Variants in CLEC16A observed in about 807,000 individuals in gnomAD.
CLEC16A encodes protein CLEC16A.
CLEC16A carries 51 observed loss-of-function variants against 109.5 expected under a neutral mutation model. The observed-to-expected ratio is 0.47, with a 90% CI of 0.37 to 0.59. The LOEUF is 0.59. Among genes scored for constraint, CLEC16A ranks in the 20% least tolerant of loss-of-function variants. The pLI is 0.00. For synonymous variants in CLEC16A, 673 were observed against 564.2 expected (o/e 1.19, Z -2.73); for missense variants, 1,339 against 1,394.0 (o/e 0.96, Z 0.63).
intron 11 of CLEC16A, among the ~76,000 whole-genome samples, chr16:11,013,254 A>G (rs1004604266): frequency 3.9e-5 from 6 of 152,186 alleles, no homozygotes; most frequent in African/African-American, 1.2e-4. Flanking sequence ...GATCTGCTGT[A>G]TTGTGTTTAT....
intron 19 of CLEC16A, among the ~76,000 whole-genome samples, chr16:11,062,408 C>T (rs2048531401): frequency 6.6e-6 from 1 of 152,176 alleles, no homozygotes; most frequent in African/African-American, 2.4e-5. Flanking sequence ...TTTGTATTCC[C>T]TTGAACAAAT....
intron 1 of CLEC16A, among the ~76,000 whole-genome samples, chr16:10,946,846 G>C (rs1169441201): frequency 1.3e-5 from 2 of 152,218 alleles, no homozygotes; most frequent in Admixed American, 1.3e-4. Context: ...CTAAGGTTCA[G>C]GGGGCTTCAG....
chr16:11,047,465 G>T, intron 17 of CLEC16A, 123 bp downstream of exon 17: 1 of 514,150 alleles, frequency 1.9e-6, no homozygotes. Flanking sequence ...ACAGATTGAT[G>T]GGGAAGCAGA....
chr16:11,003,779 C>T lies in CLEC16A; in HGVS notation c.1303+474C>T, dbSNP rs1032609261. On this transcript the variant is annotated intron_variant, in intron 11 of 23. Transcript: ENST00000409790. Reference sequence around the variant, plus strand: ...TACTGATATAATTATTCCCAATAACCTGGGGTTATGATTTGCATCCTGTGC... The same window carrying T: ...TACTGATATAATTATTCCCAATAACTTGGGGTTATGATTTGCATCCTGTGC... Among the ~76,000 whole-genome samples the T allele has an allele frequency of 5.3e-5, 8 of 151,798 alleles. No homozygotes were observed. The East Asian group carries it at 1.4e-3, about 26-fold the overall frequency.
intron 13 of CLEC16A, among the ~76,000 whole-genome samples, chr16:11,026,259 A>G (rs1207361584): frequency 6.6e-6 from 1 of 152,218 alleles, no homozygotes; most frequent in Non-Finnish European, 1.5e-5. Flanking sequence ...TTCCATAAAT[A>G]TTCCTTAAAC....
intron 1 of CLEC16A, among the ~76,000 whole-genome samples, chr16:10,956,557 T>C (rs1312791707): frequency 6.6e-6 from 1 of 152,198 alleles, no homozygotes; most frequent in Non-Finnish European, 1.5e-5. Flanking sequence ...TGAAGTTACC[T>C]GGGGCTGTGG....
At chr16:11,135,364 G>A (rs1214488458) in intron 22 of CLEC16A, among the ~76,000 whole-genome samples, 1 of 152,200 alleles carries the variant, frequency 6.6e-6, no homozygotes, top group African/African-American at 2.4e-5. Flanking sequence ...ATCCGGGCCT[G>A]CAAGGTTTCC....
intron 19 of CLEC16A, among the ~76,000 whole-genome samples, chr16:11,108,729 C>T (rs1477643861): frequency 6.6e-6 from 1 of 152,178 alleles, no homozygotes; most frequent in African/African-American, 2.4e-5. Flanking sequence ...CTCATAGGAT[C>T]TGGGACCATG....
intron 10 of CLEC16A, among the ~76,000 whole-genome samples, chr16:10,990,888 C>G (rs2043966550): frequency 6.6e-6 from 1 of 152,214 alleles, no homozygotes; most frequent in African/African-American, 2.4e-5. Flanking sequence ...TGTTAGTTTT[C>G]ATGAGTGGGC....
intron 11 of CLEC16A, among the ~76,000 whole-genome samples, chr16:11,005,978 T>G (rs548640175): frequency 1.3e-5 from 2 of 150,168 alleles, no homozygotes; most frequent in Admixed American, 6.7e-5. Flanking sequence ...TTTTTTTTTT[T>G]AAGTGAAGAT....
intron 1 of CLEC16A, among the ~76,000 whole-genome samples, chr16:10,952,485 T>C (rs2041785341): frequency 6.6e-6 from 1 of 152,192 alleles, no homozygotes; most frequent in Non-Finnish European, 1.5e-5. Context: ...AGAGCAAGAC[T>C]CCATCTCAGA....
At chr16:11,014,603 C>G (rs1042196980) in intron 11 of CLEC16A, among the ~76,000 whole-genome samples, 1 of 152,166 alleles carries the variant, frequency 6.6e-6, no homozygotes, top group Admixed American at 6.5e-5. Flanking sequence ...ATCATAAAAG[C>G]AAGCAAATTA....
intron 19 of CLEC16A, among the ~76,000 whole-genome samples, chr16:11,083,701 A>G (rs1259068001): frequency 6.6e-6 from 1 of 152,242 alleles, no homozygotes; most frequent in Non-Finnish European, 1.5e-5. Context: ...GGAGCCCAGA[A>G]TAAACAGGTG....
chr16:10,948,082 A>T (rs1289999657), intron 1 of CLEC16A, among the ~76,000 whole-genome samples: 6 of 151,994 alleles, frequency 3.9e-5, no homozygotes, highest in Non-Finnish European at 7.4e-5. Flanking sequence ...TTTAGTAGAG[A>T]CGGGGTTTCA....
At chr16:11,156,649 G>A (rs866750757) in intron 22 of CLEC16A, 6 of 1,304,186 alleles carry the variant, frequency 4.6e-6, no homozygotes, top group African/African-American at 1.5e-5. Flanking sequence ...CTGACAGACT[G>A]TTGTGGAGGT....
intron 19 of CLEC16A, among the ~76,000 whole-genome samples, chr16:11,087,572 T>G (rs1314413349): frequency 6.6e-6 from 1 of 152,130 alleles, no homozygotes; most frequent in African/African-American, 2.4e-5. Flanking sequence ...TGTGTTTGAG[T>G]AAAAGTAGTA....
At chr16:10,966,671 C>G (rs2042524062) in intron 3 of CLEC16A, among the ~76,000 whole-genome samples, 1 of 152,196 alleles carries the variant, frequency 6.6e-6, no homozygotes, top group African/African-American at 2.4e-5. Flanking sequence ...CAAACACATC[C>G]TTCTTCACAT....
In CLEC16A at chr16:11,180,831, C is replaced by G. The variant is rs1444228668; in HGVS notation, c.*2141C>G. 1.3e-5 allele frequency: 2 copies of G among 152,430 alleles called. No homozygotes were observed. Among genetic ancestry groups the G allele is most frequent in the African/African-American group, 2.4e-5 (1 of 41,450 alleles). The allele number at this position is 152,430 out of a possible 1,614,324, so 9.4% of individuals were successfully genotyped here. A position where few individuals can be genotyped will look rare whatever the true frequency, so the allele number is the denominator to read the frequency against. On this transcript the variant is annotated 3_prime_UTR_variant, in exon 24 of 24. Coordinates refer to ENST00000409790, the MANE Select transcript of CLEC16A (RefSeq NM_015226.3). Reference sequence around the variant, plus strand: ...CAACTGGTCTTGTAACCACTGAGCACTGAAGGAGAGAGGTCTTGGTCAGGG... The same window carrying G: ...CAACTGGTCTTGTAACCACTGAGCAGTGAAGGAGAGAGGTCTTGGTCAGGG...
intron 22 of CLEC16A, among the ~76,000 whole-genome samples, chr16:11,154,197 A>T (rs1016125240): frequency 1.3e-5 from 2 of 152,208 alleles, no homozygotes; most frequent in African/African-American, 4.8e-5. Flanking sequence ...TCCTCCATGA[A>T]TTATTCTGGT....
Sources: gnomAD v4.1 joint callset for allele counts (sites outside exome capture counted in the v4.1 genomes callset) on GRCh38, gnomAD v4.1.1 for gene constraint, MANE v1.5 for transcripts, NCBI Gene and HGNC (gene_info 2026-07-23, HGNC 2026-07-21) for gene names.